The following SEC14L5 variants were observed in gnomAD, a reference collection of about 807,000 sequenced individuals.
The protein encoded by SEC14L5 is SEC14 like lipid binding 5.
Under a neutral mutation model 84.6 loss-of-function variants are expected in SEC14L5, and 96 were observed. The ratio of observed to expected loss-of-function variants is 1.13; its 90% confidence interval spans 0.96 to 1.34. SEC14L5 has a LOEUF of 1.34. Ranked by LOEUF, SEC14L5 falls within the 40% of genes most tolerant of loss-of-function variation. The pLI, the probability that SEC14L5 is intolerant of heterozygous loss-of-function variation, is 0.00. For synonymous variants in SEC14L5, 546 were observed against 383.4 expected (o/e 1.42, Z -4.95); for missense variants, 1,224 against 942.5 (o/e 1.30, Z -3.91).
At chr16:4,990,383 C>G (rs1955540009) in intron 4 of SEC14L5, among the ~76,000 whole-genome samples, 1 of 152,178 alleles carries the variant, frequency 6.6e-6, no homozygotes, top group South Asian at 2.1e-4. Context: ...GGCTCGTCTC[C>G]AAGTCCTGAC....
chr16:5,012,106 C>A (rs1955811999), intron 15 of SEC14L5, among the ~76,000 whole-genome samples: 1 of 152,144 alleles, frequency 6.6e-6, no homozygotes, highest in South Asian at 2.1e-4. Flanking sequence ...AGCATGGGCA[C>A]CCAGAGTGAA....
At chr16:4,986,257 A>T (rs780944520) in intron 2 of SEC14L5, among the ~76,000 whole-genome samples, 1 of 151,696 alleles carries the variant, frequency 6.6e-6, no homozygotes, top group Non-Finnish European at 1.5e-5. Flanking sequence ...CTTCTGCCTC[A>T]GCTTCCCAAG....
chr16:5,000,782 G>C, intron 9 of SEC14L5, 39 bp downstream of exon 9: 3 of 1,557,488 alleles, frequency 1.9e-6, no homozygotes, highest in Non-Finnish European at 2.6e-6. Flanking sequence ...CGTGCCTGGG[G>C]CCGGGCCTGG....
intron 6 of SEC14L5, among the ~76,000 whole-genome samples, chr16:4,992,603 C>A (rs1955564261): frequency 6.6e-6 from 1 of 152,218 alleles, no homozygotes; most frequent in Admixed American, 6.5e-5. Flanking sequence ...CTTGACATTG[C>A]CTCTTTCTCT....
intron 2 of SEC14L5, among the ~76,000 whole-genome samples, chr16:4,974,858 A>G (rs1202674577): frequency 1.3e-5 from 2 of 150,628 alleles, no homozygotes; most frequent in Non-Finnish European, 3.0e-5. Context: ...GCTCACTGCA[A>G]CCTCTGCCTC....
chr16:4,978,655 T>A (rs1955379378), intron 2 of SEC14L5, among the ~76,000 whole-genome samples: 1 of 151,816 alleles, frequency 6.6e-6, no homozygotes, highest in Non-Finnish European at 1.5e-5. Context: ...CAGGCTGGAG[T>A]GCAGTGGTGC....
At chr16:5,011,874 C>G (rs1955809093) in intron 15 of SEC14L5, among the ~76,000 whole-genome samples, 1 of 152,146 alleles carries the variant, frequency 6.6e-6, no homozygotes, top group Non-Finnish European at 1.5e-5. Context: ...CATGCCACAG[C>G]AGAAATGAAG....
chr16:4,985,321 G>A (rs1426422231), intron 2 of SEC14L5, among the ~76,000 whole-genome samples: 1 of 152,088 alleles, frequency 6.6e-6, no homozygotes, highest in Admixed American at 6.6e-5. Context: ...CGCCTCCTGG[G>A]TTCAAGTGAT....
chr16:5,008,159 A>G (rs1313772435), intron 13 of SEC14L5, among the ~76,000 whole-genome samples: 3 of 149,526 alleles, frequency 2.0e-5, no homozygotes, highest in African/African-American at 5.0e-5. Context: ...CAAGTGATCC[A>G]CCCACCTCGG....
Position 4,996,982 on chromosome 16 carries a change from C to T in SEC14L5, c.908C>T (p.Thr303Ile). The T allele has an allele frequency of 1.9e-6, 3 of 1,613,560 alleles. No homozygotes were observed. Among genetic ancestry groups the T allele is most frequent in the South Asian group, 1.1e-5 (1 of 90,986 alleles). The change falls in exon 8 of 16, where the codon ACC becomes ATC. Residue 303 changes from threonine (T) to isoleucine (I), a missense_variant. Physicochemically the swap from Thr to Ile is moderately conservative, Grantham distance 89. Transcript: ENST00000251170. ...KQHQVDLLLQ[T>I]WQPPALLEEF... is the part of the protein sequence containing the mutation. ...CACCAGGTGGATCTCCTCCTTCAGA[C>T]CTGGCAACCCCCTGCCCTGCTGGAG...
intron 12 of SEC14L5, among the ~76,000 whole-genome samples, chr16:5,007,095 A>G (rs1009912701): frequency 1.7e-4 from 26 of 152,036 alleles, no homozygotes; most frequent in African/African-American, 6.0e-4. Context: ...TGGCTCACTC[A>G]CTTTCTGCTG....
At chr16:4,975,623 C>T (rs1955330958) in intron 2 of SEC14L5, among the ~76,000 whole-genome samples, 1 of 152,030 alleles carries the variant, frequency 6.6e-6, no homozygotes, top group Admixed American at 6.6e-5. Flanking sequence ...AATTGTGCTG[C>T]TATAAACATA....
chr16:4,995,234 C>G (rs1955596502), intron 6 of SEC14L5, among the ~76,000 whole-genome samples: 1 of 152,202 alleles, frequency 6.6e-6, no homozygotes, highest in South Asian at 2.1e-4. Context: ...ACGTCTCCGC[C>G]CACTGCTGAG....
At chr16:4,992,060 C>T in intron 6 of SEC14L5, 30 bp downstream of exon 6, 5 of 1,442,764 alleles carry the variant, frequency 3.5e-6, no homozygotes, top group African/African-American at 1.4e-5. Context: ...CCAGTCAGCC[C>T]TAGGAGGCTG....
intron 2 of SEC14L5, among the ~76,000 whole-genome samples, chr16:4,971,751 A>G (rs1005924249): frequency 6.6e-6 from 1 of 152,188 alleles, no homozygotes; most frequent in Non-Finnish European, 1.5e-5. Context: ...TCTCCCAGGG[A>G]TATATAGAAA....
intron 2 of SEC14L5, among the ~76,000 whole-genome samples, chr16:4,966,494 G>C (rs3112398): frequency 6.7e-6 from 1 of 150,010 alleles, no homozygotes; most frequent in Non-Finnish European, 1.5e-5. Context: ...AGGCTGGTCT[G>C]GAACTCCTGA....
intron 4 of SEC14L5, 39 bp downstream of exon 4, chr16:4,988,319 C>G: frequency 6.2e-7 from 1 of 1,603,762 alleles, no homozygotes; most frequent in Non-Finnish European, 8.5e-7. Flanking sequence ...GCCCGGCACC[C>G]ACCTGCGCCC....
In SEC14L5 at chr16:5,005,270, G is replaced by A. The variant is rs529739944; in HGVS notation, c.1303-644G>A. The stretch of plus-strand genomic sequence containing the variant: ...GTGCAGCTTGCAGTGAGCCAAGATT[G>A]CGCCATTGCACTCAAGCCTGGGAGA... On this transcript the variant is annotated intron_variant, in intron 11 of 15. Transcript: ENST00000251170. Among the ~76,000 whole-genome samples the A allele has an allele frequency of 5.9e-5, 9 of 151,716 alleles. No homozygotes were observed. In the East Asian group the frequency reaches 1.2e-3, roughly 20 times the overall value.
chr16:4,991,751 C>G (rs1458833776), intron 5 of SEC14L5, 87 bp from the exon 6 acceptor site: 2 of 852,456 alleles, frequency 2.3e-6, no homozygotes, highest in African/African-American at 3.5e-5. Flanking sequence ...GGACCTGAGC[C>G]GGCTGGGGGT....
Sources: allele counts gnomAD v4.1 joint callset (sites outside exome capture counted in the v4.1 genomes callset), GRCh38; gene constraint gnomAD v4.1.1; transcripts MANE v1.5; gene names NCBI Gene and HGNC (gene_info 2026-07-23, HGNC 2026-07-21).